IGF2R: variants seen among roughly 807,000 people sequenced by gnomAD.
IGF2R encodes insulin like growth factor 2 receptor.
In IGF2R, 91 loss-of-function variants were observed where a neutral mutation model predicts 270.6. The ratio of observed to expected loss-of-function variants is 0.34; its 90% CI spans 0.28 to 0.40. The LOEUF (loss-of-function observed/expected upper bound fraction) is 0.40, where lower values mean the gene tolerates loss of function less well. IGF2R is among the 10% of genes least tolerant of loss of function. The pLI is 1.00. For missense variants in IGF2R, 2,805 were observed against 3,188.3 expected (o/e 0.88, Z 2.90); for synonymous variants, 1,316 against 1,258.9 (o/e 1.05, Z -0.96).
At position 160,050,492 on chromosome 6, in the gene IGF2R, T is replaced by C. The variant is rs1778169972; in HGVS notation, c.2534T>C (p.Val845Ala). ...TTGCAGGGCTCCTTCACTGAAGTGG[T>C]TTCCATCAGTAACTTGGGAATGGCA... ...EKDQGSFTEV[V>A]SISNLGMAKT... Residue 845 changes from valine to alanine, a missense_variant, in exon 19 of 48, where the codon GTT (valine) becomes GCT (alanine). Val to Ala is a moderately conservative substitution (Grantham distance 64). Transcript: ENST00000356956. This position sits in a 1 kb window ranked among gnomAD's most constrained non-coding sequence, Gnocchi z 4.0. 6.2e-7 allele frequency: 1 copy of C among 1,612,768 alleles called. No homozygotes were observed. The highest frequency in any genetic ancestry group is 1.3e-5 in the African/African-American group (1 of 74,898).
intron 5 of IGF2R, among the ~76,000 whole-genome samples, chr6:160,026,442 GCTAGGCACTAAT>G (rs1777562762): frequency 6.6e-6 from 1 of 152,158 alleles, no homozygotes; most frequent in African/African-American, 2.4e-5. Flanking sequence ...CCTTCTGTGT[GCTAGGCACTAAT>G]CTAGGCACTG....
At chr6:160,060,772 G>C in intron 23 of IGF2R, 55 bp downstream of exon 23, 2 of 1,549,876 alleles carry the variant, frequency 1.3e-6, no homozygotes. Context: ...GTGTGTGTGT[G>C]AGTGGATATG....
At chr6:160,043,015 C>T in intron 11 of IGF2R, 133 bp from the exon 12 acceptor site, 1 of 885,818 alleles carries the variant, frequency 1.1e-6, no homozygotes, top group Non-Finnish European at 1.7e-6. Flanking sequence ...GTTCCAGAAA[C>T]AGCGCTGGGG....
chr6:160,097,437 C>T (rs949916094), intron 45 of IGF2R, among the ~76,000 whole-genome samples: 1 of 152,172 alleles, frequency 6.6e-6, no homozygotes, highest in Non-Finnish European at 1.5e-5. Context: ...TCAGACGATT[C>T]TCCTGCCTCA....
intron 39 of IGF2R, 26 bp from the exon 40 acceptor site, chr6:160,083,924 C>T (rs757922644): frequency 1.3e-6 from 2 of 1,494,924 alleles, no homozygotes; most frequent in East Asian, 2.3e-5. Flanking sequence ...AGTCTGATCT[C>T]TCTCTCTTTT....
intron 19 of IGF2R, among the ~76,000 whole-genome samples, chr6:160,052,342 G>T (rs1000289027): frequency 5.3e-5 from 8 of 152,266 alleles, no homozygotes; most frequent in African/African-American, 1.9e-4. Context: ...AATTGCTACA[G>T]AGAGAATAAA....
In IGF2R at chr6:160,048,002, G is replaced by T. The variant is rs1778107636; in HGVS notation, c.2345+95G>T. On this transcript the variant is annotated intron_variant, in intron 17 of 47. Coordinates refer to ENST00000356956, the MANE Select transcript of IGF2R (RefSeq NM_000876.4). ...CGTGTGACTGAGCTGATGATGGGGA[G>T]TGATGCTGGCTGTGGGGCTGCAGGA... 9 of 846,524 alleles carry T rather than the reference G, an allele frequency of 1.1e-5. No individual in the cohort carries two copies. In the South Asian group the frequency reaches 1.2e-4, roughly 12 times the overall value. 52.4% of individuals were successfully genotyped at this position (846,524 alleles called of 1,614,324 possible). A position where few individuals can be genotyped will look rare whatever the true frequency, so the allele number is the denominator to read the frequency against.
chr6:160,017,288 A>G (rs148464899), intron 4 of IGF2R, among the ~76,000 whole-genome samples: 3 of 152,350 alleles, frequency 2.0e-5, no homozygotes, highest in African/African-American at 7.2e-5. Flanking sequence ...ACTTGAAGAC[A>G]GGTCTTTTGG....
intron 11 of IGF2R, 114 bp downstream of exon 11, chr6:160,040,838 C>A: frequency 9.7e-7 from 1 of 1,028,144 alleles, no homozygotes; most frequent in Non-Finnish European, 1.4e-6. Flanking sequence ...GCGTCACAGC[C>A]CTCCCCCAGT....
chr6:160,042,017 C>T (rs1562353778), intron 11 of IGF2R, among the ~76,000 whole-genome samples: 1 of 151,502 alleles, frequency 6.6e-6, no homozygotes, highest in Non-Finnish European at 1.5e-5. Context: ...TTAAACATTA[C>T]TGTGTATAAG....
chr6:160,089,808 A>T, intron 43 of IGF2R, 108 bp from the exon 44 acceptor site: 2 of 704,436 alleles, frequency 2.8e-6, no homozygotes, highest in Admixed American at 3.2e-5. Context: ...TTTCCCTAGG[A>T]AAGGAAGCAT....
Position 160,075,947 on chromosome 6 carries a change from T to A in IGF2R, c.5267T>A (p.Phe1756Tyr), listed in dbSNP as rs1159275418. The A allele has an allele frequency of 2.5e-6, 4 of 1,614,110 alleles. No individual in the cohort carries two copies. Among genetic ancestry groups the A allele is most frequent in the Non-Finnish European group, 3.4e-6 (4 of 1,180,032 alleles). The change falls in exon 36 of 48, where the codon TTC becomes TAC. Residue 1756 changes from phenylalanine (F) to tyrosine (Y), a missense_variant. Around this residue, in one of 2 missense-constraint regions of IGF2R, gnomAD observed 1,851 missense variants for 2,207.2 expected, o/e 0.84. Transcript: ENST00000356956. Reference protein sequence around the residue: ...SSTPCLADKHFNYTSLIAFHC... With the variant: ...SSTPCLADKHYNYTSLIAFHC... ...ACTCCTTGCTTAGCGGACAAGCATT[T>A]CAACTACACCTCGCTCATCGCGTTT...
At chr6:160,089,075 A>G (rs2114730143) in intron 42 of IGF2R, 32 bp from the exon 43 acceptor site, 1 of 1,599,466 alleles carries the variant, frequency 6.3e-7, no homozygotes, top group South Asian at 1.1e-5. Flanking sequence ...TGGCTGGGGA[A>G]GTGACTGTAG....
At chr6:160,009,267 A>T in intron 3 of IGF2R, 133 bp downstream of exon 3, 1 of 688,614 alleles carries the variant, frequency 1.5e-6, no homozygotes, top group Non-Finnish European at 2.3e-6. Context: ...AACCCTACCA[A>T]ATGACCATCA....
chr6:159,973,707 C>G (rs1023370861), intron 1 of IGF2R, among the ~76,000 whole-genome samples: 21 of 152,204 alleles, frequency 1.4e-4, no homozygotes, highest in African/African-American at 4.8e-4. Context: ...GATTAATTCT[C>G]AGAACAGCAT....
At chr6:159,988,237 C>T (rs1441850751) in intron 1 of IGF2R, among the ~76,000 whole-genome samples, 9 of 151,886 alleles carry the variant, frequency 5.9e-5, no homozygotes, top group African/African-American at 7.3e-5. Context: ...CATAGCAGGC[C>T]GGGCGCGGTG....
At chr6:159,981,748 C>T (rs971312259) in intron 1 of IGF2R, among the ~76,000 whole-genome samples, 7 of 152,184 alleles carry the variant, frequency 4.6e-5, no homozygotes, top group Non-Finnish European at 8.8e-5. Flanking sequence ...CTTAGGGTAG[C>T]GTGCCCCCTC....
intron 4 of IGF2R, 68 bp downstream of exon 4, chr6:160,010,853 G>C (rs779673622): frequency 2.2e-6 from 2 of 889,910 alleles, no homozygotes; most frequent in African/African-American, 3.4e-5. Context: ...TTCAAATACT[G>C]ATTCTAACCT....
At chr6:159,985,483 T>C (rs1434965353) in intron 1 of IGF2R, among the ~76,000 whole-genome samples, 2 of 152,214 alleles carry the variant, frequency 1.3e-5, no homozygotes, top group East Asian at 3.8e-4. Flanking sequence ...GGCTCACATG[T>C]TAGCTGTGTG....
Sources: allele counts gnomAD v4.1 joint callset (sites outside exome capture counted in the v4.1 genomes callset), GRCh38; gene constraint gnomAD v4.1.1; regional missense constraint gnomAD v4.1.1; non-coding constraint Gnocchi (gnomAD v3.1); transcripts MANE v1.5; gene names NCBI Gene and HGNC (gene_info 2026-07-23, HGNC 2026-07-21).